The following KCNIP4 variants were observed in gnomAD, a reference collection of about 807,000 sequenced individuals.
KCNIP4 encodes the protein Kv channel-interacting protein 4.
Under a neutral mutation model 34.0 loss-of-function variants are expected in KCNIP4, and 12 were observed. That is an observed-to-expected ratio of 0.35 (90% CI 0.23 to 0.57). The LOEUF is 0.57. Among genes scored for constraint, KCNIP4 ranks in the 20% least tolerant of loss-of-function variants. The pLI is 0.83. For synonymous variants in KCNIP4, 124 were observed against 102.2 expected (o/e 1.21, Z -1.29); for missense variants, 238 against 311.7 (o/e 0.76, Z 1.78).
chr4:21,469,112 T>G (rs1577411607), intron 1 of KCNIP4, among the ~76,000 whole-genome samples: 1 of 152,266 alleles, frequency 6.6e-6, no homozygotes, highest in Non-Finnish European at 1.5e-5. Flanking sequence ...TCTCCCAGGC[T>G]GGGATGAAGT....
intron 1 of KCNIP4, among the ~76,000 whole-genome samples, chr4:21,620,577 A>C (rs531453128): frequency 6.6e-6 from 1 of 152,338 alleles, no homozygotes; most frequent in South Asian, 2.1e-4. Flanking sequence ...CTCCTATCTA[A>C]AACTGTCCCC....
intron 1 of KCNIP4, among the ~76,000 whole-genome samples, chr4:21,559,875 A>C (rs1739375690): frequency 6.6e-6 from 1 of 152,150 alleles, no homozygotes; most frequent in Admixed American, 6.5e-5. Flanking sequence ...CACATGAATA[A>C]TATCTAAGTT....
chr4:21,235,838 C>T (rs79543136), intron 1 of KCNIP4, among the ~76,000 whole-genome samples: 1 of 152,096 alleles, frequency 6.6e-6, no homozygotes, highest in African/African-American at 2.4e-5. Flanking sequence ...TATCCATTAT[C>T]CTGGGGCCTC....
chr4:21,487,657 T>G (rs1000185711), intron 1 of KCNIP4, among the ~76,000 whole-genome samples: 4 of 152,222 alleles, frequency 2.6e-5, no homozygotes, highest in African/African-American at 9.6e-5. Flanking sequence ...TTATTCGGAA[T>G]TCTTCTGCAT....
At chr4:21,502,742 G>A (rs1733472673) in intron 1 of KCNIP4, among the ~76,000 whole-genome samples, 1 of 152,114 alleles carries the variant, frequency 6.6e-6, no homozygotes, top group African/African-American at 2.4e-5. Context: ...AAAGACTTGA[G>A]AGCTGGAATA....
chr4:21,115,293 G>A (rs946875887), intron 1 of KCNIP4, among the ~76,000 whole-genome samples: 1 of 152,180 alleles, frequency 6.6e-6, no homozygotes, highest in Non-Finnish European at 1.5e-5. Context: ...TTGGTGTCAT[G>A]TAGCTTACAT....
chr4:21,669,981 C>T (rs1003395378), intron 1 of KCNIP4, among the ~76,000 whole-genome samples: 6 of 152,096 alleles, frequency 3.9e-5, no homozygotes, highest in African/African-American at 1.4e-4. Context: ...ATTTTCATGA[C>T]AACCTTATTT....
At chr4:21,786,027 C>A (rs1719885105) in intron 1 of KCNIP4, among the ~76,000 whole-genome samples, 1 of 152,208 alleles carries the variant, frequency 6.6e-6, no homozygotes, top group Admixed American at 6.5e-5. Context: ...TGGCTCACTG[C>A]AACCTCCGCC....
intron 1 of KCNIP4, among the ~76,000 whole-genome samples, chr4:21,523,335 G>A (rs1199264156): frequency 6.6e-6 from 1 of 152,064 alleles, no homozygotes; most frequent in Non-Finnish European, 1.5e-5. Flanking sequence ...GTGTGTCTGT[G>A]TGTGTTTACC....
At position 21,296,843 on chromosome 4, in the gene KCNIP4, C is replaced by T. The variant is rs1490578061; in HGVS notation, c.62-414134G>A. 2.6e-5 allele frequency among the ~76,000 whole-genome samples: 4 copies of T among 151,720 alleles called. 1 individual carries two copies. Among genetic ancestry groups the T allele is most frequent in the Non-Finnish European group, 5.9e-5 (4 of 67,972 alleles). ...CTGGCCGGTGGGGGTGAATTTCAAA[C>T]AGAGAGGTAAGGGCAGACATCTGTG... On this transcript the variant is annotated intron_variant, in intron 1 of 8. Coordinates refer to ENST00000382152, the MANE Select transcript of KCNIP4 (RefSeq NM_025221.6).
chr4:21,627,704 C>T (rs1745438596), intron 1 of KCNIP4, among the ~76,000 whole-genome samples: 1 of 152,128 alleles, frequency 6.6e-6, no homozygotes, highest in South Asian at 2.1e-4. Flanking sequence ...CTGAAATTTA[C>T]TTAAGGCCTC....
intron 8 of KCNIP4, chr4:20,731,235 A>AACTT (rs985816723): frequency 8.3e-6 from 2 of 240,710 alleles, no homozygotes; most frequent in African/African-American, 2.3e-5. Context: ...GTGCCCAGCT[A>AACTT]ACTTAATTTT....
chr4:20,944,251 G>A (rs1577407917), intron 1 of KCNIP4, among the ~76,000 whole-genome samples: 1 of 152,160 alleles, frequency 6.6e-6, no homozygotes, highest in Admixed American at 6.5e-5. Context: ...CACCATGAGT[G>A]ATCTGGAGGA....
At chr4:21,152,000 C>G (rs758496336) in intron 1 of KCNIP4, among the ~76,000 whole-genome samples, 2 of 152,138 alleles carry the variant, frequency 1.3e-5, no homozygotes, top group Non-Finnish European at 2.9e-5. Context: ...TGCCTATAAT[C>G]CTAGCAGTTT....
At chr4:21,763,315 T>C (rs979658795) in intron 1 of KCNIP4, among the ~76,000 whole-genome samples, 4 of 152,162 alleles carry the variant, frequency 2.6e-5, no homozygotes, top group African/African-American at 9.6e-5. Flanking sequence ...TATGGTTATA[T>C]ACATAGAGAC....
chr4:20,843,559 G>A (rs752398065), intron 3 of KCNIP4, among the ~76,000 whole-genome samples: 3 of 151,984 alleles, frequency 2.0e-5, no homozygotes, highest in South Asian at 2.1e-4. Context: ...GTGAAACCCC[G>A]TCTCTACCAA....
intron 1 of KCNIP4, among the ~76,000 whole-genome samples, chr4:21,904,495 A>G (rs2108972518): frequency 6.6e-6 from 1 of 152,286 alleles, no homozygotes; most frequent in African/African-American, 2.4e-5. Context: ...GTTGGCATAC[A>G]TTTTCAAAAT....
intron 1 of KCNIP4, among the ~76,000 whole-genome samples, chr4:21,346,337 G>A (rs1242425928): frequency 9.4e-6 from 1 of 105,944 alleles, no homozygotes; most frequent in Non-Finnish European, 2.0e-5. Context: ...TATTTATAGT[G>A]CCTATAATAG....
chr4:21,817,406 T>C (rs1336629679), intron 1 of KCNIP4, among the ~76,000 whole-genome samples: 1 of 150,802 alleles, frequency 6.6e-6, no homozygotes, highest in Admixed American at 6.6e-5. Context: ...TTGTAAAACA[T>C]GTGTGTTTGC....
Sources: allele counts gnomAD v4.1 joint callset (sites outside exome capture counted in the v4.1 genomes callset), GRCh38; gene constraint gnomAD v4.1.1; transcripts MANE v1.5; gene names NCBI Gene and HGNC (gene_info 2026-07-23, HGNC 2026-07-21).